Variants in PLCH1 observed in about 807,000 individuals in gnomAD.
PLCH1 encodes the protein phospholipase C eta 1.
In PLCH1, 60 loss-of-function variants were observed where a neutral mutation model predicts 126.7. That is an observed-to-expected ratio of 0.47 (90% confidence interval 0.38 to 0.59). The LOEUF (loss-of-function observed/expected upper bound fraction) is 0.59, where lower values mean the gene tolerates loss of function less well. PLCH1 is among the 20% of genes least tolerant of loss of function. The probability of loss-of-function intolerance (pLI) is 0.00; values close to 1 mark genes in which losing one functional copy is unlikely to be tolerated. For synonymous variants in PLCH1, 719 were observed against 734.9 expected (o/e 0.98, Z 0.35); for missense variants, 1,723 against 2,040.0 (o/e 0.84, Z 2.99).
chr3:155,461,956 C>T (rs1712742974), intron 21 of PLCH1, among the ~76,000 whole-genome samples: 1 of 152,180 alleles, frequency 6.6e-6, no homozygotes, highest in African/African-American at 2.4e-5. Flanking sequence ...GAACTAGGAC[C>T]ACCCTTCTCA....
chr3:155,473,446 A>C (rs1216239843), intron 21 of PLCH1, among the ~76,000 whole-genome samples: 16 of 152,174 alleles, frequency 1.1e-4, no homozygotes, highest in African/African-American at 3.6e-4. Context: ...AAACGGAAGA[A>C]CATTCCATGC....
At position 155,596,262 on chromosome 3, in the gene PLCH1, G is replaced by A. The variant is rs1304260693; in HGVS notation, c.196C>T (p.Arg66Ter). 5.0e-6 allele frequency: 8 copies of A among 1,613,044 alleles called. No homozygotes were observed. Among genetic ancestry groups the A allele is most frequent in the African/African-American group, 2.7e-5 (2 of 74,876 alleles). ...GCCTTCTCACTCTTCCTAGAGGGTC[G>A]CCATCGGAGGCGTGTCCGGTGCTCA... is the stretch of plus-strand genomic sequence containing the variant. ...LDEHRTRLRW[R>*]PSRKSEKAKI... is the part of the protein sequence containing the mutation. The change falls in exon 3 of 23, where the codon CGA (arginine) becomes TGA (stop). Residue 66 changes from arginine to a stop codon, truncating the protein, a stop_gained. Coordinates refer to ENST00000460012, the MANE Select transcript of PLCH1 (RefSeq NM_014996.4). LOFTEE classifies it high-confidence loss of function.
intron 1 of PLCH1, chr3:155,742,192 C>T (rs78739514): frequency 6.6e-6 from 1 of 152,142 alleles, no homozygotes; most frequent in Admixed American, 6.5e-5. Flanking sequence ...ATATATAATA[C>T]GTTCTCAATA....
chr3:155,734,190 G>A (rs918689378), intron 1 of PLCH1, among the ~76,000 whole-genome samples: 2 of 152,066 alleles, frequency 1.3e-5, no homozygotes, highest in Non-Finnish European at 2.9e-5. Flanking sequence ...CAGGCACAGT[G>A]TCTCATGTTT....
chr3:155,460,333 G>A (rs976433472), intron 21 of PLCH1, among the ~76,000 whole-genome samples: 1 of 152,094 alleles, frequency 6.6e-6, no homozygotes, highest in Non-Finnish European at 1.5e-5. Context: ...TCTCACAGTT[G>A]GCACCAATAC....
chr3:155,493,463 C>T (rs1316452235), intron 17 of PLCH1, among the ~76,000 whole-genome samples: 3 of 152,212 alleles, frequency 2.0e-5, no homozygotes, highest in Non-Finnish European at 2.9e-5. Flanking sequence ...TCTTGGCTCA[C>T]TGCAACCTCT....
intron 2 of PLCH1, among the ~76,000 whole-genome samples, chr3:155,635,065 T>C (rs1169010629): frequency 2.0e-5 from 3 of 152,100 alleles, no homozygotes; most frequent in Non-Finnish European, 4.4e-5. Flanking sequence ...TTCAATGAAT[T>C]AATGTAAGAA....
chr3:155,621,294 T>A (rs567087467), intron 2 of PLCH1, among the ~76,000 whole-genome samples: 1 of 152,066 alleles, frequency 6.6e-6, no homozygotes, highest in Admixed American at 6.5e-5. Flanking sequence ...GATAAATACA[T>A]GAACAGGGGG....
At chr3:155,600,706 C>T (rs2108676264) in intron 2 of PLCH1, among the ~76,000 whole-genome samples, 1 of 152,186 alleles carries the variant, frequency 6.6e-6, no homozygotes, top group South Asian at 2.1e-4. Context: ...TAGACCTTCA[C>T]ACTTGTATAA....
intron 2 of PLCH1, among the ~76,000 whole-genome samples, chr3:155,701,918 A>T (rs1038431161): frequency 9.2e-5 from 14 of 152,226 alleles, no homozygotes; most frequent in African/African-American, 3.4e-4. Context: ...GATATTTTAC[A>T]CTATCAGAAA....
At chr3:155,613,998 C>G (rs1243751211) in intron 2 of PLCH1, among the ~76,000 whole-genome samples, 1 of 152,130 alleles carries the variant, frequency 6.6e-6, no homozygotes, top group Non-Finnish European at 1.5e-5. Context: ...CTGCTATACA[C>G]CAACAACAAC....
chr3:155,511,704 C>T (rs1344357246), intron 12 of PLCH1, among the ~76,000 whole-genome samples: 2 of 142,576 alleles, frequency 1.4e-5, no homozygotes, highest in African/African-American at 5.5e-5. Context: ...AGGCAGTCTG[C>T]CCGTTCTCAG....
At chr3:155,616,002 A>G (rs918187619) in intron 2 of PLCH1, among the ~76,000 whole-genome samples, 5 of 152,170 alleles carry the variant, frequency 3.3e-5, no homozygotes, top group Admixed American at 1.3e-4. Context: ...AACTGCTTCT[A>G]TGGCTTTTGA....
At chr3:155,674,329 C>T (rs1283806532) in intron 2 of PLCH1, among the ~76,000 whole-genome samples, 1 of 152,122 alleles carries the variant, frequency 6.6e-6, no homozygotes, top group East Asian at 1.9e-4. Flanking sequence ...GTCTTCCTGC[C>T]TCCGAATAAA....
chr3:155,676,207 TC>T, intron 2 of PLCH1: 1 of 1,288,632 alleles, frequency 7.8e-7, no homozygotes, highest in Non-Finnish European at 9.9e-7. Context: ...CATGATGAGA[TC>T]TTCACAATTC....
At chr3:155,584,293 A>C (rs1731080431) in intron 5 of PLCH1, among the ~76,000 whole-genome samples, 1 of 152,212 alleles carries the variant, frequency 6.6e-6, no homozygotes, top group Non-Finnish European at 1.5e-5. Flanking sequence ...ACAGTCTCTC[A>C]TTGGTTTCTG....
intron 21 of PLCH1, 102 bp downstream of exon 21, chr3:155,487,926 G>T: frequency 1.3e-6 from 1 of 780,294 alleles, no homozygotes; most frequent in Non-Finnish European, 2.1e-6. Context: ...TTTGGTTCAA[G>T]AACAGTTTGT....
intron 2 of PLCH1, among the ~76,000 whole-genome samples, chr3:155,667,085 C>T (rs1442884053): frequency 6.6e-6 from 1 of 152,106 alleles, no homozygotes; most frequent in Non-Finnish European, 1.5e-5. Context: ...TTGAAGTGCA[C>T]AGAATCCATA....
At chr3:155,512,336 A>C (rs959191649) in intron 12 of PLCH1, among the ~76,000 whole-genome samples, 3 of 152,198 alleles carry the variant, frequency 2.0e-5, no homozygotes, top group Non-Finnish European at 4.4e-5. Context: ...TGGCATATAC[A>C]TAACGACAAG....
Sources: gnomAD v4.1 joint callset for allele counts (sites outside exome capture counted in the v4.1 genomes callset) on GRCh38, gnomAD v4.1.1 for gene constraint, MANE v1.5 for transcripts, NCBI Gene and HGNC (gene_info 2026-07-23, HGNC 2026-07-21) for gene names.